SDC3: variants seen among roughly 807,000 people sequenced by gnomAD.
SDC3 encodes the protein syndecan-3.
A neutral mutation model predicts 24.4 loss-of-function variants in SDC3; 13 were observed. That is an observed-to-expected ratio of 0.53 (90% CI 0.35 to 0.85). The LOEUF is 0.85. Ranked by LOEUF, SDC3 falls within the 40% of genes least tolerant of loss-of-function variation. The pLI is 0.01. For synonymous variants in SDC3, 295 were observed against 260.9 expected (o/e 1.13, Z -1.26); for missense variants, 571 against 584.5 (o/e 0.98, Z 0.24).
At chr1:30,906,230 C>A (rs1052622847) in intron 1 of SDC3, among the ~76,000 whole-genome samples, 1 of 152,208 alleles carries the variant, frequency 6.6e-6, no homozygotes, top group African/African-American at 2.4e-5. Flanking sequence ...TGATGCCCCT[C>A]CTTGACAGCT....
Position 30,908,267 on chromosome 1 carries a change from G to T in SDC3, c.138+182C>A, listed in dbSNP as rs371874107. On this transcript the variant is annotated intron_variant, in intron 1 of 4. Coordinates refer to ENST00000339394, the MANE Select transcript of SDC3 (RefSeq NM_014654.4). ...AGGGGGAGATTCCGGAGGGGGGGGAGCAGGGTGCAGAAAGGGGCGCTCGGG... is the reference window on the plus strand; with the variant it reads ...AGGGGGAGATTCCGGAGGGGGGGGATCAGGGTGCAGAAAGGGGCGCTCGGG... Among the ~76,000 whole-genome samples the T allele has an allele frequency of 1.8e-3, 260 of 147,656 alleles. 5 individuals carry two copies. In the South Asian group the frequency reaches 0.035, roughly 20 times the overall value.
At chr1:30,902,671 A>C (rs1231254350) in intron 1 of SDC3, among the ~76,000 whole-genome samples, 1 of 152,158 alleles carries the variant, frequency 6.6e-6, no homozygotes, top group Non-Finnish European at 1.5e-5. Context: ...TTGAGACACA[A>C]AATCAAAGGG....
At chr1:30,882,118 T>C (rs1369976173) in intron 1 of SDC3, among the ~76,000 whole-genome samples, 1 of 152,134 alleles carries the variant, frequency 6.6e-6, no homozygotes, top group Non-Finnish European at 1.5e-5. Context: ...GCAGCCTACT[T>C]GTCCCTCCCT....
rs1009988631 is a variant in SDC3 at position 30,869,618 on chromosome 1, C to G, written c.*3593G>C. On this transcript the variant is annotated 3_prime_UTR_variant, in exon 5 of 5. Coordinates refer to ENST00000339394, the MANE Select transcript of SDC3 (RefSeq NM_014654.4). Reference sequence around the variant, plus strand: ...GAACAGGAGAGTACCCGCAGTGGGGCAGGCGCCTTGGTCTCTTTTTTCCAC... The same window carrying G: ...GAACAGGAGAGTACCCGCAGTGGGGGAGGCGCCTTGGTCTCTTTTTTCCAC... The G allele has an allele frequency of 2.5e-6, 1 of 397,726 alleles. No homozygotes were observed. The highest frequency in any genetic ancestry group is 2.1e-5 in the African/African-American group (1 of 48,428). The allele number at this position is 397,726 out of a possible 1,614,324, so 24.6% of individuals were successfully genotyped here.
At position 30,908,650 on chromosome 1, in the gene SDC3, G is replaced by T; in HGVS notation, c.-64C>A. The T allele has an allele frequency of 3.3e-6, 2 of 615,066 alleles. No individual in the cohort carries two copies. Among genetic ancestry groups the T allele is most frequent in the Non-Finnish European group, 4.0e-6 (2 of 494,860 alleles). 38.1% of individuals were successfully genotyped at this position (615,066 alleles called of 1,614,324 possible). On this transcript the variant is annotated 5_prime_UTR_variant, in exon 1 of 5. Transcript: ENST00000339394. ...CGCCTTTGTTCCCGAGGCGCGGCGCGCGGGGCGGCTGCTTGGCGGCGGCGC... is the reference window on the plus strand; with the variant it reads ...CGCCTTTGTTCCCGAGGCGCGGCGCTCGGGGCGGCTGCTTGGCGGCGGCGC...
In SDC3 at chr1:30,876,853, G is replaced by T. The variant is rs1569992888; in HGVS notation, c.569C>A (p.Thr190Asn). ...GGCCGTAAAAGGGGGTGCTGCAGGG[G>T]TGCTGGGGGTGGCGGTGGCCACTGT... ...PATVATATPS[T>N]PAAPPFTATT... The change falls in exon 3 of 5, where the codon ACC becomes AAC. Residue 190 changes from threonine to asparagine, a missense_variant. Transcript: ENST00000339394. 6.2e-7 allele frequency: 1 copy of T among 1,613,594 alleles called. No homozygotes were observed. Among genetic ancestry groups the T allele is most frequent in the Non-Finnish European group, 8.5e-7 (1 of 1,179,818 alleles).
intron 1 of SDC3, among the ~76,000 whole-genome samples, chr1:30,881,003 C>A (rs186364402): frequency 5.4e-4 from 81 of 148,708 alleles, no homozygotes; most frequent in African/African-American, 1.9e-3. Flanking sequence ...GGCTTCCATA[C>A]CCCCAAGACA....
intron 1 of SDC3, among the ~76,000 whole-genome samples, chr1:30,889,213 G>T (rs879799759): frequency 6.6e-6 from 1 of 152,176 alleles, no homozygotes; most frequent in Non-Finnish European, 1.5e-5. Flanking sequence ...CTGACCTCAG[G>T]GGTTGGGAGG....
Position 30,877,041 on chromosome 1 carries a change from T to C in SDC3, c.381A>G (p.Glu127=). 1 of 1,613,894 alleles carries C rather than the reference T, an allele frequency of 6.2e-7. No individual in the cohort carries two copies. The highest frequency in any genetic ancestry group is 8.5e-7 in the Non-Finnish European group (1 of 1,179,962). Residue 127 remains glutamate (E), a synonymous_variant, in exon 3 of 5, where the codon GAA becomes GAG. Coordinates refer to ENST00000339394, the MANE Select transcript of SDC3 (RefSeq NM_014654.4). Reference sequence around the variant, plus strand: ...GGGTGGGGCGCTCAGAGGGGAGCTCTTCAAATGGTGTGCCCACAGGCTGGA... The same window carrying C: ...GGGTGGGGCGCTCAGAGGGGAGCTCCTCAAATGGTGTGCCCACAGGCTGGA... ...TNIQPVGTPF[E]ELPSERPTLE...
intron 1 of SDC3, among the ~76,000 whole-genome samples, chr1:30,894,823 A>C (rs540390878): frequency 6.6e-6 from 1 of 151,938 alleles, no homozygotes; most frequent in Admixed American, 6.6e-5. Context: ...GTCTAGGTGC[A>C]TCCATGTGTG....
At chr1:30,876,412 G>T (rs1639637862) in intron 3 of SDC3, 140 bp downstream of exon 3, 4 of 629,096 alleles carry the variant, frequency 6.4e-6, no homozygotes, top group Middle Eastern at 4.6e-4. Flanking sequence ...TCTGTCCCTT[G>T]GTCCTGCCCC....
chr1:30,908,188 C>A (rs910237065), intron 1 of SDC3, among the ~76,000 whole-genome samples: 3 of 151,628 alleles, frequency 2.0e-5, no homozygotes, highest in South Asian at 2.1e-4. Context: ...AGGAGAGATG[C>A]GCCCCCCGAA....
At chr1:30,876,497 C>A in intron 3 of SDC3, 55 bp downstream of exon 3, 1 of 1,427,486 alleles carries the variant, frequency 7.0e-7, no homozygotes, top group South Asian at 1.5e-5. Context: ...CTCCTCATCC[C>A]TCCCCTGACC....
intron 1 of SDC3, among the ~76,000 whole-genome samples, chr1:30,891,177 A>G (rs1639898844): frequency 6.6e-6 from 1 of 152,220 alleles, no homozygotes; most frequent in South Asian, 2.1e-4. Flanking sequence ...GGGAAGGGGC[A>G]GAGCCTATCA....
intron 1 of SDC3, among the ~76,000 whole-genome samples, chr1:30,900,713 G>A (rs1425687481): frequency 2.0e-5 from 3 of 152,290 alleles, no homozygotes; most frequent in East Asian, 3.9e-4. Flanking sequence ...GCCCGCAATC[G>A]AATTGGCAAT....
chr1:30,906,567 C>T (rs116132832), intron 1 of SDC3, among the ~76,000 whole-genome samples: 110 of 152,280 alleles, frequency 7.2e-4, no homozygotes, highest in African/African-American at 2.3e-3. Context: ...AAGTCTAAAG[C>T]TTTCTGTCCT....
intron 1 of SDC3, among the ~76,000 whole-genome samples, chr1:30,905,871 A>AAC (rs71813597): frequency 0.26 from 39,256 of 148,272 alleles, 5,368 homozygotes; most frequent in Non-Finnish European, 0.3. Context: ...CAGACACACA[A>AAC]ACACACACAC....
intron 1 of SDC3, among the ~76,000 whole-genome samples, chr1:30,893,536 A>T (rs567007949): frequency 6.6e-6 from 1 of 151,654 alleles, no homozygotes; most frequent in South Asian, 2.1e-4. Flanking sequence ...TCCCCTCCTC[A>T]TGGAGGCGTC....
chr1:30,903,203 G>C (rs773030920), intron 1 of SDC3, among the ~76,000 whole-genome samples: 1 of 152,130 alleles, frequency 6.6e-6, no homozygotes, highest in East Asian at 1.9e-4. Context: ...GGAGGAACAC[G>C]GATTTGGCCT....
Sources: allele counts gnomAD v4.1 joint callset (sites outside exome capture counted in the v4.1 genomes callset), GRCh38; gene constraint gnomAD v4.1.1; transcripts MANE v1.5; gene names NCBI Gene and HGNC (gene_info 2026-07-23, HGNC 2026-07-21).